The following TNN variants were observed in gnomAD, a reference collection of about 807,000 sequenced individuals.
TNN encodes the protein tenascin-N.
TNN carries 122 observed loss-of-function variants against 134.4 expected under a neutral mutation model. The ratio of observed to expected loss-of-function variants is 0.91; its 90% confidence interval spans 0.78 to 1.06. The LOEUF (loss-of-function observed/expected upper bound fraction) is 1.06, where lower values mean the gene tolerates loss of function less well. TNN is among the 50% of genes least tolerant of loss of function. The pLI, the probability that TNN is intolerant of heterozygous loss-of-function variation, is 0.00. For missense variants in TNN, 1,739 were observed against 1,699.4 expected (o/e 1.02, Z -0.41); for synonymous variants, 710 against 670.3 (o/e 1.06, Z -0.91).
chr1:175,134,645 G>C (rs895372937), intron 15 of TNN, among the ~76,000 whole-genome samples: 1 of 152,126 alleles, frequency 6.6e-6, no homozygotes, highest in Non-Finnish European at 1.5e-5. Flanking sequence ...GCTGAGAGAA[G>C]AGTCATCTGC....
At chr1:175,101,788 G>A (rs1248128938) in intron 9 of TNN, among the ~76,000 whole-genome samples, 2 of 149,812 alleles carry the variant, frequency 1.3e-5, no homozygotes, top group African/African-American at 4.9e-5. Context: ...CCCTGAGCTA[G>A]ACATAAAGGT....
At position 175,067,880 on chromosome 1, in the gene TNN, A is replaced by T. The variant is rs1308151852; in HGVS notation, c.-91A>T. The T allele has an allele frequency of 2.0e-6, 1 of 501,366 alleles. No homozygotes were observed. Among genetic ancestry groups the T allele is most frequent in the Non-Finnish European group, 4.0e-6 (1 of 251,764 alleles). 31.1% of individuals were successfully genotyped at this position (501,366 alleles called of 1,614,324 possible). A position where few individuals can be genotyped will look rare whatever the true frequency, so the allele number is the denominator to read the frequency against. On this transcript the variant is annotated 5_prime_UTR_variant, in exon 1 of 19. Transcript: ENST00000239462. ...AGCAAGTACCAAGGTCTGCGGCAGG[A>T]GGAGACCGGCTCACAGGAGCAGCAG...
chr1:175,072,926 C>CTTTTGT (rs1673953168), intron 1 of TNN, among the ~76,000 whole-genome samples: 2 of 46,762 alleles, frequency 4.3e-5, no homozygotes, highest in African/African-American at 9.8e-5. Context: ...GAGTCCACGG[C>CTTTTGT]TTTTTTTTTT....
rs17374761 is a variant in TNN, at chr1:175,094,161, C to A, written c.1496C>A (p.Thr499Lys). Reference sequence around the variant, plus strand: ...AAGGATGAGAGCAGCACTGTCCTGACGGGCCTGAAGCCAGGAGAGGCATAC... The same window carrying A: ...AAGGATGAGAGCAGCACTGTCCTGAAGGGCCTGAAGCCAGGAGAGGCATAC... ...VHKDESSTVL[T>K]GLKPGEAYKV... is the part of the protein sequence containing the mutation. The change falls in exon 7 of 19, where the codon ACG (threonine) becomes AAG (lysine). Residue 499 changes from threonine to lysine, a missense_variant. Coordinates refer to ENST00000239462, the MANE Select transcript of TNN (RefSeq NM_022093.2). 2.5e-6 allele frequency: 4 copies of A among 1,614,086 alleles called. No individual in the cohort carries two copies. In the Admixed American group the frequency reaches 6.7e-5, roughly 27 times the overall value.
At chr1:175,146,253 C>T (rs1490426878) in intron 18 of TNN, among the ~76,000 whole-genome samples, 1 of 152,196 alleles carries the variant, frequency 6.6e-6, no homozygotes, top group African/African-American at 2.4e-5. Flanking sequence ...CCCATATTTG[C>T]TAATAAAAGA....
chr1:175,074,475 A>T (rs951199399), intron 1 of TNN, among the ~76,000 whole-genome samples: 1 of 121,006 alleles, frequency 8.3e-6, no homozygotes, highest in African/African-American at 3.4e-5. Context: ...ACAGAATGGG[A>T]TCCTGTCTGA....
intron 15 of TNN, among the ~76,000 whole-genome samples, chr1:175,133,405 C>T (rs901126292): frequency 1.3e-5 from 2 of 152,212 alleles, no homozygotes; most frequent in Non-Finnish European, 2.9e-5. Flanking sequence ...TGACACAGCC[C>T]TTGCTAAAAT....
chr1:175,087,867 C>A (rs59822966), intron 6 of TNN, among the ~76,000 whole-genome samples: 23,661 of 152,220 alleles, frequency 0.16, 1,968 homozygotes, highest in Non-Finnish European at 0.19. Flanking sequence ...CCTTGAGTTC[C>A]ATTAATTTGC....
chr1:175,127,931 A>C, intron 13 of TNN, 101 bp from the exon 14 acceptor site: 2 of 1,421,100 alleles, frequency 1.4e-6, no homozygotes, highest in African/African-American at 1.4e-5. Flanking sequence ...GTGCTCTCAG[A>C]GAGCTTCTGT....
chr1:175,115,927 G>A (rs530050240), intron 9 of TNN, among the ~76,000 whole-genome samples: 139 of 152,284 alleles, frequency 9.1e-4, no homozygotes, highest in Non-Finnish European at 1.6e-3. Flanking sequence ...CTCTTACCTG[G>A]GCAATGGGGT....
intron 11 of TNN, 75 bp downstream of exon 11, chr1:175,118,899 G>A (rs1675266956): frequency 6.4e-7 from 1 of 1,572,380 alleles, no homozygotes; most frequent in Admixed American, 1.9e-5. Context: ...TGATGATGCA[G>A]CTGCTTTTGG....
Position 175,079,676 on chromosome 1 carries a change from G to A in TNN, c.753G>A (p.Glu251=), listed in dbSNP as rs140924148. The A allele has an allele frequency of 7.2e-5, 116 of 1,608,186 alleles. No homozygotes were observed. The African/African-American group carries it at 1.2e-3, about 17-fold the overall frequency. The stretch of plus-strand genomic sequence containing the variant: ...GTGACACGGGCGAGTGCTACTGCGA[G>A]GAGGGCTTCACAGGCCTGGACTGTG... The part of the protein sequence containing the change: ...GFCDTGECYC[E]EGFTGLDCAQ... Residue 251 remains glutamate (E), a synonymous_variant, in exon 3 of 19, where the codon GAG becomes GAA. Coordinates refer to ENST00000239462, the MANE Select transcript of TNN (RefSeq NM_022093.2).
chr1:175,090,276 C>T, intron 6 of TNN, among the ~76,000 whole-genome samples: 1 of 152,182 alleles, frequency 6.6e-6, no homozygotes, highest in Non-Finnish European at 1.5e-5. Context: ...GGAAGAAGGG[C>T]TGACCTCTCT....
chr1:175,081,046 C>T (rs77100149), intron 4 of TNN, among the ~76,000 whole-genome samples: 1 of 152,168 alleles, frequency 6.6e-6, no homozygotes, highest in East Asian at 1.9e-4. Flanking sequence ...GGCAGTCCAC[C>T]GTGTCTCCAA....
chr1:175,094,092 G>A lies in TNN; in HGVS notation c.1427G>A (p.Arg476His), dbSNP rs184277325. The change falls in exon 7 of 19, where the codon CGC (arginine) becomes CAC (histidine). Residue 476 changes from arginine to histidine, a missense_variant. Physicochemically the swap from Arg to His is conservative, Grantham distance 29. Coordinates refer to ENST00000239462, the MANE Select transcript of TNN (RefSeq NM_022093.2). ...VQAVIDKYVVRYTSADGDTKE... is the reference protein window; with the variant it reads ...VQAVIDKYVVHYTSADGDTKE... Reference sequence around the variant, plus strand: ...GCTGTCATAGACAAGTATGTAGTGCGCTACACTTCTGCTGATGGGGACACC... The same window carrying A: ...GCTGTCATAGACAAGTATGTAGTGCACTACACTTCTGCTGATGGGGACACC... The A allele has an allele frequency of 2.0e-5, 33 of 1,614,174 alleles. No individual in the cohort carries two copies. The highest frequency in any genetic ancestry group is 1.0e-4 in the Admixed American group (6 of 60,032).
chr1:175,093,973 CAT>C lies in TNN; in HGVS notation c.1325-16_1325-15del, dbSNP rs1558354436. The C allele has an allele frequency of 6.3e-7, 1 of 1,577,238 alleles. No individual in the cohort carries two copies. Among genetic ancestry groups the C allele is most frequent in the South Asian group, 1.1e-5 (1 of 87,378 alleles). On this transcript the variant is annotated splice_polypyrimidine_tract_variant and intron_variant, in intron 6 of 18. Coordinates refer to ENST00000239462, the MANE Select transcript of TNN (RefSeq NM_022093.2). ...ACTGGTTTCTCTGATTTTTCTTTCT[CAT>C]GTGTTTTTATGAAGAAATTGACAGT... is the stretch of plus-strand genomic sequence containing the variant.
chr1:175,131,917 TACACACAC>T (rs3028571), intron 15 of TNN, among the ~76,000 whole-genome samples: 86 of 136,422 alleles, frequency 6.3e-4, no homozygotes, highest in Non-Finnish European at 1.0e-3. Context: ...GAAGTATTAT[TACACACAC>T]ACACACACAC....
intron 1 of TNN, among the ~76,000 whole-genome samples, chr1:175,070,437 T>C (rs1673889214): frequency 6.6e-6 from 1 of 152,160 alleles, no homozygotes; most frequent in Non-Finnish European, 1.5e-5. Context: ...CTTGATGGGA[T>C]GGCTCTCCAG....
chr1:175,147,386 A>G lies in TNN; in HGVS notation c.*315A>G. The G allele has an allele frequency of 4.0e-6, 1 of 250,622 alleles. No individual in the cohort carries two copies. The highest frequency in any genetic ancestry group is 1.7e-4 in the South Asian group (1 of 5,748). The allele number at this position is 250,622 out of a possible 1,614,324, so 15.5% of individuals were successfully genotyped here. On this transcript the variant is annotated 3_prime_UTR_variant, in exon 19 of 19. Transcript: ENST00000239462. The stretch of plus-strand genomic sequence containing the variant: ...AGAAGGAATCACCCAGCACTTCACC[A>G]GTTGGAAATCTCTGGAAATTTACAT...
Sources: gnomAD v4.1 joint callset for allele counts (sites outside exome capture counted in the v4.1 genomes callset) on GRCh38, gnomAD v4.1.1 for gene constraint, MANE v1.5 for transcripts, NCBI Gene and HGNC (gene_info 2026-07-23, HGNC 2026-07-21) for gene names.